The following FLVCR1 variants were observed in gnomAD, a reference collection of about 807,000 sequenced individuals.
FLVCR1 encodes the protein FLVCR choline and heme transporter 1, also known as choline/ethanolamine transporter FLVCR1.
FLVCR1 carries 34 observed loss-of-function variants against 53.6 expected under a neutral mutation model. The observed-to-expected ratio is 0.63, with a 90% CI of 0.48 to 0.84. The LOEUF is 0.84. Among genes scored for constraint, FLVCR1 ranks in the 40% least tolerant of loss-of-function variants. The pLI is 0.00. For synonymous variants in FLVCR1, 300 were observed against 286.3 expected, an observed-to-expected ratio of 1.05 and a Z score of -0.48; for missense variants, 677 against 696.7, an observed-to-expected ratio of 0.97 and a Z score of 0.32.
intron 8 of FLVCR1, 110 bp from the exon 9 acceptor site, chr1:212,894,876 C>T (rs1007270115): frequency 1.3e-6 from 1 of 781,706 alleles, no homozygotes; most frequent in African/African-American, 1.7e-5. Context: ...TATTAAATAT[C>T]ATGACACTAC....
intron 1 of FLVCR1, among the ~76,000 whole-genome samples, chr1:212,861,826 C>T (rs1303103910): frequency 6.6e-6 from 1 of 152,066 alleles, no homozygotes; most frequent in Non-Finnish European, 1.5e-5. Flanking sequence ...CCCGCCTCCA[C>T]ACCCGGCTAA....
chr1:212,864,194 C>A (rs1200954410), intron 2 of FLVCR1, among the ~76,000 whole-genome samples: 1 of 152,216 alleles, frequency 6.6e-6, no homozygotes, highest in African/African-American at 2.4e-5. Context: ...GCCTCTTATG[C>A]CTACCTAGCC....
In FLVCR1 at chr1:212,873,270, G is replaced by A. The variant is rs149132377; in HGVS notation, c.1024+452G>A. Among the ~76,000 whole-genome samples, 828 of 149,710 alleles carry A rather than the reference G, an allele frequency of 5.5e-3. 5 individuals are homozygous for A. Among genetic ancestry groups the A allele is most frequent in the Middle Eastern group, 0.024 (7 of 292 alleles). ...AGAGGTGGCAGTGAGCCAAGATTGC[G>A]CCACTGCACTCCAGCCTGGGCAATA... On this transcript the variant is annotated intron_variant, in intron 3 of 9. Transcript: ENST00000366971.
chr1:212,884,046 G>A (rs562241865), intron 4 of FLVCR1, among the ~76,000 whole-genome samples: 1 of 152,008 alleles, frequency 6.6e-6, no homozygotes, highest in Non-Finnish European at 1.5e-5. Flanking sequence ...AGTGGCTCAC[G>A]CCTGTAATCC....
chr1:212,858,539 G>T lies in FLVCR1; in HGVS notation c.87G>T (p.Ala29=). Residue 29 remains alanine, a synonymous_variant, in exon 1 of 10, where the codon GCG becomes GCT. Transcript: ENST00000366971. Reference sequence around the variant, plus strand: ...GATACCTCCCGTTGCCGAGGGGCGCGCCCGTTGGGAAGGAGAGCGTGGAGC... The same window carrying T: ...GATACCTCCCGTTGCCGAGGGGCGCTCCCGTTGGGAAGGAGAGCGTGGAGC... ...AKGYLPLPRG[A]PVGKESVELQ... 1 of 1,463,418 alleles carries T rather than the reference G, an allele frequency of 6.8e-7. No homozygotes were observed. Among genetic ancestry groups the T allele is most frequent in the Non-Finnish European group, 9.0e-7 (1 of 1,109,600 alleles). The allele number at this position is 1,463,418 out of a possible 1,614,324, so 90.7% of individuals were successfully genotyped here.
chr1:212,874,782 C>T (rs1664708689), intron 3 of FLVCR1, among the ~76,000 whole-genome samples: 2 of 152,082 alleles, frequency 1.3e-5, no homozygotes, highest in South Asian at 2.1e-4. Context: ...CTACCTTGGC[C>T]TCCCAAAATG....
rs752085746 is a variant in FLVCR1 at position 212,859,119 on chromosome 1, C to T, written c.667C>T (p.Arg223Cys). The T allele has an allele frequency of 1.7e-5, 27 of 1,613,810 alleles. No homozygotes were observed. Among genetic ancestry groups the T allele is most frequent in the South Asian group, 6.6e-5 (6 of 91,070 alleles). ...AQVFILGLPS[R>C]IASVWFGPKE... ...GGTGTTCATCCTGGGCTTGCCCTCC[C>T]GCATCGCCTCAGTGTGGTTTGGGCC... Residue 223 changes from arginine (R) to cysteine (C), a missense_variant, in exon 1 of 10, where the codon CGC (arginine) becomes TGC (cysteine). By Grantham distance (180) the Arg-to-Cys change is radical. Coordinates refer to ENST00000366971, the MANE Select transcript of FLVCR1 (RefSeq NM_014053.4).
chr1:212,894,502 G>C (rs1558123304), intron 8 of FLVCR1, among the ~76,000 whole-genome samples: 1 of 152,138 alleles, frequency 6.6e-6, no homozygotes, highest in South Asian at 2.1e-4. Flanking sequence ...ATGTCTCTGA[G>C]ATATACCTGC....
intron 3 of FLVCR1, among the ~76,000 whole-genome samples, chr1:212,882,975 G>A (rs2102563200): frequency 6.6e-6 from 1 of 152,290 alleles, no homozygotes; most frequent in East Asian, 1.9e-4. Flanking sequence ...GATCTCTGAA[G>A]CACAGTTTCT....
At position 212,863,939 on chromosome 1, in the gene FLVCR1, A is replaced by G. The variant is rs1664328038; in HGVS notation, c.883+70A>G. The stretch of plus-strand genomic sequence containing the variant: ...AAATTTGAGAATAACTAACTCTGGA[A>G]ATTTTTGTTGATAATATCTCAAGTG... On this transcript the variant is annotated intron_variant, in intron 2 of 9. Coordinates refer to ENST00000366971, the MANE Select transcript of FLVCR1 (RefSeq NM_014053.4). The G allele has an allele frequency of 1.8e-5, 24 of 1,338,572 alleles. No homozygotes were observed. The South Asian group carries it at 2.6e-4, about 15-fold the overall frequency. 82.9% of individuals were successfully genotyped at this position (1,338,572 alleles called of 1,614,324 possible). A position where few individuals can be genotyped will look rare whatever the true frequency, so the allele number is the denominator to read the frequency against.
intron 5 of FLVCR1, among the ~76,000 whole-genome samples, chr1:212,886,743 C>G (rs562830590): frequency 2.0e-5 from 3 of 151,750 alleles, no homozygotes; most frequent in Admixed American, 2.0e-4. Flanking sequence ...GAGGTTGCAG[C>G]GAGCTGAGAT....
intron 2 of FLVCR1, among the ~76,000 whole-genome samples, chr1:212,871,627 AC>A (rs908677250): frequency 6.6e-6 from 1 of 152,100 alleles, no homozygotes; most frequent in African/African-American, 2.4e-5. Flanking sequence ...CAAGTGATGG[AC>A]CCACTTTGAC....
chr1:212,865,896 AT>A (rs1664401937), intron 2 of FLVCR1, among the ~76,000 whole-genome samples: 1 of 76,338 alleles, frequency 1.3e-5, no homozygotes, highest in Non-Finnish European at 3.5e-5. Flanking sequence ...ACTCACTGCA[AT>A]CTCTGCCTCC....
chr1:212,890,081 T>C (rs907994079), intron 8 of FLVCR1, among the ~76,000 whole-genome samples: 40 of 152,222 alleles, frequency 2.6e-4, no homozygotes, highest in African/African-American at 9.4e-4. Context: ...CTAGTGCTTA[T>C]ACTTCTTAGG....
At position 212,898,301 on chromosome 1, in the gene FLVCR1, T is replaced by A. The variant is rs1665392229; in HGVS notation, c.*3011T>A. Reference sequence around the variant, plus strand: ...ATACAACGGACTTTTACATTTCTTTTTAGCCTTTTTAGTCAGTTGAGGGTA... The same window carrying A: ...ATACAACGGACTTTTACATTTCTTTATAGCCTTTTTAGTCAGTTGAGGGTA... On this transcript the variant is annotated 3_prime_UTR_variant, in exon 10 of 10. Coordinates refer to ENST00000366971, the MANE Select transcript of FLVCR1 (RefSeq NM_014053.4). 6.6e-6 allele frequency: 1 copy of A among 152,242 alleles called. No individual in the cohort carries two copies. The highest frequency in any genetic ancestry group is 1.5e-5 in the Non-Finnish European group (1 of 68,046). 9.4% of individuals were successfully genotyped at this position (152,242 alleles called of 1,614,324 possible).
rs41300973 is a variant in FLVCR1 at position 212,888,665 on chromosome 1, C to G, written c.1413+71C>G. Reference sequence around the variant, plus strand: ...TATTCTAGTGAGTAATGAGTTTGACCATGGTTTTATTTGTTGTTGTTGTTG... The same window carrying G: ...TATTCTAGTGAGTAATGAGTTTGACGATGGTTTTATTTGTTGTTGTTGTTG... On this transcript the variant is annotated intron_variant, in intron 7 of 9. Coordinates refer to ENST00000366971, the MANE Select transcript of FLVCR1 (RefSeq NM_014053.4). 178 of 1,154,744 alleles carry G rather than the reference C, an allele frequency of 1.5e-4. No homozygotes were observed. The East Asian group carries it at 4.1e-3, about 27-fold the overall frequency. The allele number at this position is 1,154,744 out of a possible 1,614,324, so 71.5% of individuals were successfully genotyped here.
At position 212,885,330 on chromosome 1, in the gene FLVCR1, T is replaced by C. The variant is rs1665031066; in HGVS notation, c.1130T>C (p.Leu377Pro). ...EVNAGRIGLT[L>P]VVAGMVGSIL... ...AATGCTGGAAGGATTGGGCTAACGC[T>C]AGTAGTAGCTGGAATGGTGGGCTCT... Residue 377 changes from leucine to proline, a missense_variant, in exon 5 of 10, where the codon CTA becomes CCA. Leu to Pro is a moderately conservative substitution (Grantham distance 98). Coordinates refer to ENST00000366971, the MANE Select transcript of FLVCR1 (RefSeq NM_014053.4). 6.2e-7 allele frequency: 1 copy of C among 1,614,138 alleles called. No homozygotes were observed. Among genetic ancestry groups the C allele is most frequent in the Admixed American group, 1.7e-5 (1 of 60,012 alleles).
rs886045928 is a variant in FLVCR1, at chr1:212,872,775, C to T, written c.981C>T (p.Asn327=). The change falls in exon 3 of 10, where the codon AAC becomes AAT. Residue 327 remains asparagine, a synonymous_variant. Coordinates refer to ENST00000366971, the MANE Select transcript of FLVCR1 (RefSeq NM_014053.4). ...EEYSYKKSIR[N]LFKNIPFVLL... ...ACTCCTATAAGAAATCAATAAGAAA[C>T]CTGTTTAAAAACATTCCTTTTGTCC... is the stretch of plus-strand genomic sequence containing the variant. 15 of 1,613,730 alleles carry T rather than the reference C, an allele frequency of 9.3e-6. No individual in the cohort carries two copies. The highest frequency in any genetic ancestry group is 1.7e-5 in the Admixed American group (1 of 59,982).
At chr1:212,863,576 T>G in intron 1 of FLVCR1, 149 bp from the exon 2 acceptor site, 1 of 632,238 alleles carries the variant, frequency 1.6e-6, no homozygotes, top group Non-Finnish European at 2.7e-6. Context: ...GAGACAGACT[T>G]TGTCTCAAAA....
Sources: allele counts gnomAD v4.1 joint callset (sites outside exome capture counted in the v4.1 genomes callset), GRCh38; gene constraint gnomAD v4.1.1; transcripts MANE v1.5; gene names NCBI Gene and HGNC (gene_info 2026-07-23, HGNC 2026-07-21).